The following EPB41 variants were observed in gnomAD, a reference collection of about 807,000 sequenced individuals.
EPB41 encodes protein 4.1.
EPB41 carries 65 observed loss-of-function variants against 108.0 expected under a neutral mutation model. The observed-to-expected ratio is 0.60, with a 90% CI of 0.49 to 0.74. EPB41 has a LOEUF of 0.74. Among genes scored for constraint, EPB41 ranks in the 30% least tolerant of loss-of-function variants. The pLI is 0.00. For synonymous variants in EPB41, 336 were observed against 358.9 expected (o/e 0.94, Z 0.72); for missense variants, 875 against 1,037.0 (o/e 0.84, Z 2.15).
chr1:29,011,610 A>G (rs761219436), intron 4 of EPB41, among the ~76,000 whole-genome samples: 3 of 152,256 alleles, frequency 2.0e-5, no homozygotes, highest in African/African-American at 4.8e-5. Context: ...CATTGTATAG[A>G]TGAGGAAACT....
chr1:29,117,975 C>T lies in EPB41; in HGVS notation c.*1163C>T, dbSNP rs954887004. ...TATAAGCCCCAGCCCTGCTCATTCC[C>T]ACTCACCAGCTGAGGTCTGTCAGGT... is the stretch of plus-strand genomic sequence containing the variant. On this transcript the variant is annotated 3_prime_UTR_variant, in exon 21 of 21. Coordinates refer to ENST00000343067, the MANE Select transcript of EPB41 (RefSeq NM_001376013.1). 3.3e-5 allele frequency: 5 copies of T among 152,500 alleles called. No homozygotes were observed. Among genetic ancestry groups the T allele is most frequent in the African/African-American group, 1.2e-4 (5 of 41,464 alleles). 9.4% of individuals were successfully genotyped at this position (152,500 alleles called of 1,614,324 possible).
upstream of EPB41, among the ~76,000 whole-genome samples, chr1:28,913,946 T>C (rs2092391912): frequency 6.6e-6 from 1 of 152,104 alleles, no homozygotes. Flanking sequence ...GAAGACAGGT[T>C]CAATCTTGGC....
intron 4 of EPB41, among the ~76,000 whole-genome samples, chr1:29,011,140 A>G (rs1035160556): frequency 1.4e-5 from 2 of 146,238 alleles, no homozygotes; most frequent in South Asian, 2.2e-4. Flanking sequence ...AAAAAAAAAG[A>G]AAAAAAAGAA....
At chr1:28,998,103 A>C (rs1429671335) in intron 4 of EPB41, among the ~76,000 whole-genome samples, 1 of 152,230 alleles carries the variant, frequency 6.6e-6, no homozygotes, top group Admixed American at 6.5e-5. Context: ...TTATGAAGAT[A>C]ACATTAATTA....
Position 28,993,539 on chromosome 1 carries a change from G to A in EPB41, c.678G>A (p.Val226=), listed in dbSNP as rs146497501. The change falls in exon 3 of 21, where the codon GTG becomes GTA. Residue 226 remains valine (V), a synonymous_variant. Transcript: ENST00000343067. ...LLDDTVYECV[V]EKHAKGQDLL... is the part of the protein sequence containing the mutation. ...ATGACACAGTTTATGAATGTGTTGT[G>A]GAGGTGAGTATGTTTTCATTTCCAA... 5 of 1,613,584 alleles carry A rather than the reference G, an allele frequency of 3.1e-6. No individual in the cohort carries two copies. In the South Asian group the frequency reaches 4.4e-5, roughly 14 times the overall value.
chr1:29,070,567 T>G, intron 16 of EPB41: 1 of 1,232,178 alleles, frequency 8.1e-7, no homozygotes, highest in Non-Finnish European at 1.0e-6. Flanking sequence ...TCATGATGTC[T>G]TTTCTCGTGA....
At chr1:29,102,453 A>AT (rs1665752514) in intron 17 of EPB41, among the ~76,000 whole-genome samples, 1 of 152,198 alleles carries the variant, frequency 6.6e-6, no homozygotes, top group Admixed American at 6.5e-5. Flanking sequence ...ACCAAAACGT[A>AT]TAGTGGCCCC....
At chr1:28,915,673 G>GGC (rs2092581926) in intron 1 of EPB41, among the ~76,000 whole-genome samples, 1 of 148,918 alleles carries the variant, frequency 6.7e-6, no homozygotes, top group Admixed American at 6.7e-5. Context: ...CTTGTTTTTT[G>GGC]GCATGTAGTT....
chr1:28,934,543 G>C lies in EPB41; in HGVS notation c.-8+19775G>C, dbSNP rs200345947. On this transcript the variant is annotated intron_variant, in intron 1 of 20. Transcript: ENST00000343067. ...ATTTATATCAGTGTGGAGTCATACT[G>C]ATATGGATATTTATTTTACACTTTG... is the stretch of plus-strand genomic sequence containing the variant. 4.6e-5 allele frequency among the ~76,000 whole-genome samples: 7 copies of C among 152,156 alleles called. No individual in the cohort carries two copies. In the East Asian group the frequency reaches 1.3e-3, roughly 29 times the overall value.
intron 1 of EPB41, among the ~76,000 whole-genome samples, chr1:28,955,402 C>T (rs1329994464): frequency 1.3e-5 from 2 of 151,648 alleles, no homozygotes; most frequent in African/African-American, 4.9e-5. Flanking sequence ...AGGGCAGTGG[C>T]GTGATCTCCA....
chr1:28,901,753 C>T (rs1039099911), intron 1 of EPB41, among the ~76,000 whole-genome samples: 5 of 152,010 alleles, frequency 3.3e-5, no homozygotes, highest in African/African-American at 1.2e-4. Flanking sequence ...AGGCTGGTCT[C>T]GAACTCCTGA....
chr1:29,004,055 C>T (rs2096355182), intron 4 of EPB41, among the ~76,000 whole-genome samples: 1 of 152,218 alleles, frequency 6.6e-6, no homozygotes, highest in Non-Finnish European at 1.5e-5. Context: ...AGCCACTGCG[C>T]CCAGCCCAGA....
At chr1:29,112,532 A>C in intron 19 of EPB41, 84 bp downstream of exon 19, 2 of 1,162,416 alleles carry the variant, frequency 1.7e-6, no homozygotes, top group Non-Finnish European at 2.6e-6. Context: ...TGCCATCTTC[A>C]TCTGCAAAAA....
intron 11 of EPB41, chr1:29,041,078 G>A (rs547472066): frequency 4.6e-5 from 7 of 151,606 alleles, no homozygotes; most frequent in African/African-American, 1.7e-4. Flanking sequence ...GGAGGCTGCA[G>A]TGAGCCAAGA....
chr1:28,987,414 T>C lies in EPB41; in HGVS notation c.-7-17T>C. 6.2e-7 allele frequency: 1 copy of C among 1,612,252 alleles called. No homozygotes were observed. The highest frequency in any genetic ancestry group is 8.5e-7 in the Non-Finnish European group (1 of 1,178,322). On this transcript the variant is annotated splice_polypyrimidine_tract_variant and intron_variant, in intron 1 of 20. Coordinates refer to ENST00000343067, the MANE Select transcript of EPB41 (RefSeq NM_001376013.1). ...TTTGCTTATAAGAGCCCCCCTTTTC[T>C]ATCTTCTTTTTAATAGCAACATCAT...
At chr1:29,042,464 G>GT (rs965784383) in intron 11 of EPB41, among the ~76,000 whole-genome samples, 9 of 151,404 alleles carry the variant, frequency 5.9e-5, no homozygotes, top group East Asian at 1.9e-4. Context: ...ATGCTTTTTT[G>GT]TTTTTTTTGT....
chr1:29,080,002 A>G (rs1258960203), intron 16 of EPB41, among the ~76,000 whole-genome samples: 1 of 152,136 alleles, frequency 6.6e-6, no homozygotes, highest in Non-Finnish European at 1.5e-5. Flanking sequence ...TATCTCAAAA[A>G]AAAGAAAAAA....
intron 1 of EPB41, among the ~76,000 whole-genome samples, chr1:28,939,014 G>A (rs2094167800): frequency 1.3e-5 from 2 of 152,286 alleles, no homozygotes; most frequent in Admixed American, 1.3e-4. Context: ...AATAGCCAGT[G>A]CAATGTTGAA....
chr1:29,093,504 CTAT>C (rs1662058591), intron 16 of EPB41, among the ~76,000 whole-genome samples: 2 of 152,148 alleles, frequency 1.3e-5, no homozygotes, highest in South Asian at 2.1e-4. Flanking sequence ...GTTGTTTACT[CTAT>C]TGATAGTTTC....
Sources: allele counts gnomAD v4.1 joint callset (sites outside exome capture counted in the v4.1 genomes callset), GRCh38; gene constraint gnomAD v4.1.1; transcripts MANE v1.5; gene names NCBI Gene and HGNC (gene_info 2026-07-23, HGNC 2026-07-21).